PRDM5: variants seen among roughly 807,000 people sequenced by gnomAD.
PRDM5 encodes the protein PR domain zinc finger protein 5.
PRDM5 carries 56 observed loss-of-function variants against 81.2 expected under a neutral mutation model. That is an observed-to-expected ratio of 0.69 (90% CI 0.56 to 0.86). The LOEUF is 0.86. PRDM5 is among the 40% of genes least tolerant of loss of function. The probability of loss-of-function intolerance (pLI) is 0.00; values close to 1 mark genes in which losing one functional copy is unlikely to be tolerated. For synonymous variants in PRDM5, 267 were observed against 256.4 expected (o/e 1.04, Z -0.39); for missense variants, 697 against 770.1 (o/e 0.91, Z 1.12).
intron 2 of PRDM5, among the ~76,000 whole-genome samples, chr4:120,872,155 A>T (rs1761885051): frequency 7.1e-6 from 1 of 140,640 alleles, no homozygotes; most frequent in Non-Finnish European, 1.6e-5. Context: ...CATCTCAAAA[A>T]AAAAAAAAAA....
intron 4 of PRDM5, among the ~76,000 whole-genome samples, chr4:120,820,918 G>A (rs1267114853): frequency 6.6e-6 from 1 of 152,228 alleles, no homozygotes; most frequent in Non-Finnish European, 1.5e-5. Flanking sequence ...AGAGCCGGGA[G>A]CTGCCCTAGC....
intron 10 of PRDM5, among the ~76,000 whole-genome samples, chr4:120,792,797 A>C (rs1355006849): frequency 6.6e-6 from 1 of 152,180 alleles, no homozygotes; most frequent in Non-Finnish European, 1.5e-5. Flanking sequence ...TAAGTGAAAT[A>C]AACCAGGCAC....
At chr4:120,826,828 G>A (rs1328921348) in intron 3 of PRDM5, among the ~76,000 whole-genome samples, 1 of 152,288 alleles carries the variant, frequency 6.6e-6, no homozygotes, top group Non-Finnish European at 1.5e-5. Context: ...TATATGGAGT[G>A]TGAGAGAGGA....
At chr4:120,907,705 C>A (rs192826535) in intron 1 of PRDM5, 148 bp from the exon 2 acceptor site, 7 of 731,560 alleles carry the variant, frequency 9.6e-6, no homozygotes, top group Admixed American at 4.2e-5. Context: ...TTACCCAACA[C>A]AAAATGTTTA....
At chr4:120,907,673 T>C (rs1765990065) in intron 1 of PRDM5, 116 bp from the exon 2 acceptor site, 3 of 827,324 alleles carry the variant, frequency 3.6e-6, no homozygotes, top group South Asian at 1.4e-5. Context: ...AAAGAAGAGA[T>C]GCTTTTGAAA....
intron 13 of PRDM5, among the ~76,000 whole-genome samples, chr4:120,759,757 A>G (rs1745325227): frequency 6.6e-6 from 1 of 152,242 alleles, no homozygotes; most frequent in East Asian, 1.9e-4. Flanking sequence ...ATGTTTTAAT[A>G]GCTCAGGTAT....
chr4:120,738,380 A>G (rs1021294958), intron 14 of PRDM5, among the ~76,000 whole-genome samples: 1 of 152,240 alleles, frequency 6.6e-6, no homozygotes, highest in Admixed American at 6.5e-5. Flanking sequence ...CCATCCTAAT[A>G]TGACACCAAT....
chr4:120,707,207 G>A (rs1432376605), intron 15 of PRDM5, among the ~76,000 whole-genome samples: 1 of 151,908 alleles, frequency 6.6e-6, no homozygotes, highest in Non-Finnish European at 1.5e-5. Context: ...CTGAATCTCA[G>A]AGCATATTAA....
At chr4:120,759,431 C>A (rs1206549714) in intron 13 of PRDM5, among the ~76,000 whole-genome samples, 1 of 152,202 alleles carries the variant, frequency 6.6e-6, no homozygotes, top group African/African-American at 2.4e-5. Flanking sequence ...ACAAAGCTAT[C>A]TGCTGTCCCA....
Position 120,694,384 on chromosome 4 carries a change from G to C in PRDM5, c.*727C>G, listed in dbSNP as rs1013017215. 7 of 152,072 alleles carry C rather than the reference G, an allele frequency of 4.6e-5. No individual in the cohort carries two copies. Among genetic ancestry groups the C allele is most frequent in the Admixed American group, 4.6e-4 (7 of 15,252 alleles). 9.4% of individuals were successfully genotyped at this position (152,072 alleles called of 1,614,324 possible). A position where few individuals can be genotyped will look rare whatever the true frequency, so the allele number is the denominator to read the frequency against. On this transcript the variant is annotated 3_prime_UTR_variant, in exon 16 of 16. Transcript: ENST00000264808. ...TAAATGTGATGGTCATTTTTGTGTA[G>C]AACTTATAAAAGTATTCCAGACCAT...
chr4:120,869,337 G>T (rs1408016141), intron 2 of PRDM5, among the ~76,000 whole-genome samples: 1 of 152,124 alleles, frequency 6.6e-6, no homozygotes, highest in African/African-American at 2.4e-5. Context: ...TACTTTTTCA[G>T]CAGTGTTTGC....
intron 2 of PRDM5, among the ~76,000 whole-genome samples, chr4:120,889,684 A>T (rs1166471289): frequency 6.6e-6 from 1 of 152,126 alleles, no homozygotes; most frequent in Non-Finnish European, 1.5e-5. Flanking sequence ...GTGGCTTGGG[A>T]AATAAGCATA....
At chr4:120,805,846 G>A (rs947665313) in intron 8 of PRDM5, among the ~76,000 whole-genome samples, 1 of 152,076 alleles carries the variant, frequency 6.6e-6, no homozygotes, top group African/African-American at 2.4e-5. Context: ...TGGAAATTCT[G>A]GCCAGGGCAA....
intron 14 of PRDM5, among the ~76,000 whole-genome samples, chr4:120,726,799 T>C (rs948247676): frequency 6.6e-6 from 1 of 152,088 alleles, no homozygotes; most frequent in African/African-American, 2.4e-5. Flanking sequence ...TGGAGAGTGA[T>C]AGAAGCCTCT....
intron 3 of PRDM5, among the ~76,000 whole-genome samples, chr4:120,832,039 T>C (rs1756782311): frequency 6.6e-6 from 1 of 152,170 alleles, no homozygotes; most frequent in Middle Eastern, 3.2e-3. Flanking sequence ...CATCTGTATT[T>C]ATTTAGCTGA....
intron 2 of PRDM5, among the ~76,000 whole-genome samples, chr4:120,858,339 T>C (rs1760122110): frequency 6.6e-6 from 1 of 152,184 alleles, no homozygotes. Context: ...GACTTCAGGA[T>C]ATCTTTAGGA....
chr4:120,711,257 T>C (rs1334459925), intron 14 of PRDM5, among the ~76,000 whole-genome samples: 8 of 152,110 alleles, frequency 5.3e-5, no homozygotes, highest in Admixed American at 4.6e-4. Context: ...TTTCTACAGA[T>C]TTTGGGGGAT....
intron 15 of PRDM5, among the ~76,000 whole-genome samples, chr4:120,707,628 A>G (rs1736394018): frequency 1.3e-5 from 2 of 151,962 alleles, no homozygotes; most frequent in South Asian, 2.1e-4. Flanking sequence ...TTGGCAATGA[A>G]TTCTTAGATA....
intron 12 of PRDM5, among the ~76,000 whole-genome samples, chr4:120,779,024 CTAATTTATTTG>C (rs1748605671): frequency 6.6e-6 from 1 of 151,986 alleles, no homozygotes; most frequent in African/African-American, 2.4e-5. Context: ...CAGATAATTA[CTAATTTATTTG>C]TAATTTATTT....
Sources: allele counts gnomAD v4.1 joint callset (sites outside exome capture counted in the v4.1 genomes callset), GRCh38; gene constraint gnomAD v4.1.1; transcripts MANE v1.5; gene names NCBI Gene and HGNC (gene_info 2026-07-23, HGNC 2026-07-21).